CCT7: variants seen among roughly 807,000 people sequenced by gnomAD.
The protein encoded by CCT7 is chaperonin containing TCP1 subunit 7, also known as T-complex protein 1 subunit eta.
Under a neutral mutation model 56.6 loss-of-function variants are expected in CCT7, and 16 were observed. The observed-to-expected ratio is 0.28, with a 90% CI of 0.19 to 0.43. The LOEUF is 0.43. Among genes scored for constraint, CCT7 ranks in the 20% least tolerant of loss-of-function variants. CCT7 has a pLI of 1.00. For synonymous variants in CCT7, 262 were observed against 254.8 expected, an observed-to-expected ratio of 1.03 and a Z score of -0.27; for missense variants, 519 against 685.6, an observed-to-expected ratio of 0.76 and a Z score of 2.71.
In CCT7 at chr2:73,243,034, C is replaced by A; in HGVS notation, c.298C>A (p.Leu100Met). ...TGATGGCACCACCTCAGTGACCTTGCTGGCTGCAGAGTTTCTGAAGCAGGT... is the reference window on the plus strand; with the variant it reads ...TGATGGCACCACCTCAGTGACCTTGATGGCTGCAGAGTTTCTGAAGCAGGT... ...VGDGTTSVTL[L>M]AAEFLKQVKP... Residue 100 changes from leucine to methionine, a missense_variant, in exon 4 of 12, where the codon CTG becomes ATG. By Grantham distance (15) the Leu-to-Met change is conservative. This residue lies in a region of CCT7 where 276 missense variants were observed against 357.3 expected (regional missense o/e 0.77). Coordinates refer to ENST00000258091, the MANE Select transcript of CCT7 (RefSeq NM_006429.4). The A allele has an allele frequency of 6.2e-7, 1 of 1,614,024 alleles. No individual in the cohort carries two copies. Among genetic ancestry groups the A allele is most frequent in the Non-Finnish European group, 8.5e-7 (1 of 1,179,882 alleles).
At chr2:73,239,369 A>G (rs185844684) in intron 1 of CCT7, 1 of 354,480 alleles carries the variant, frequency 2.8e-6, no homozygotes, top group East Asian at 6.2e-5. Flanking sequence ...TCAGCTGGGT[A>G]CTGGAGAACT....
intron 1 of CCT7, among the ~76,000 whole-genome samples, chr2:73,235,278 C>T (rs977836594): frequency 6.6e-6 from 1 of 152,118 alleles, no homozygotes; most frequent in Non-Finnish European, 1.5e-5. Flanking sequence ...GATGGTATCT[C>T]CTGGGTTGTT....
rs1289137938 is a variant in CCT7, at chr2:73,252,854, C to G, written c.1625C>G (p.Pro542Arg). Residue 542 changes from proline (P) to arginine (R), a missense_variant, in exon 12 of 12, where the codon CCC (proline) becomes CGC (arginine). Physicochemically the swap from Pro to Arg is moderately radical, Grantham distance 103. Coordinates refer to ENST00000258091, the MANE Select transcript of CCT7 (RefSeq NM_006429.4). The part of the protein sequence containing the change: ...AAGRGRGRGR[P>R]H The stretch of plus-strand genomic sequence containing the variant: ...GGCCGGGGCCGTGGTCGTGGCCGCC[C>G]CCACTGAGAGGCACCCCACCCATCA... 2 of 1,612,614 alleles carry G rather than the reference C, an allele frequency of 1.2e-6. No individual in the cohort carries two copies. The highest frequency in any genetic ancestry group is 1.7e-5 in the Admixed American group (1 of 59,936).
At chr2:73,251,455 G>GT in intron 11 of CCT7, 23 bp downstream of exon 11, 56 of 556,504 alleles carry the variant, frequency 1.0e-4, no homozygotes, top group Middle Eastern at 5.8e-4. Flanking sequence ...TCTCCCCAGG[G>GT]TTCAGGGTTT....
rs564582922 is a variant in CCT7, at chr2:73,239,298, T to C, written c.7-345T>C. 1.2e-3 allele frequency: 226 copies of C among 186,306 alleles called. 2 individuals carry two copies. Among genetic ancestry groups the C allele is most frequent in the Middle Eastern group, 8.5e-3 (4 of 470 alleles). 11.5% of individuals were successfully genotyped at this position (186,306 alleles called of 1,614,324 possible). On this transcript the variant is annotated intron_variant, in intron 1 of 11. Transcript: ENST00000258091. Reference sequence around the variant, plus strand: ...TAGCAGGGTCTGCCTCTTCCTCCTGTGTTGTGACCCAATTCCTCAGCACAG... The same window carrying C: ...TAGCAGGGTCTGCCTCTTCCTCCTGCGTTGTGACCCAATTCCTCAGCACAG...
intron 6 of CCT7, 52 bp downstream of exon 6, chr2:73,244,767 C>G (rs1460572910): frequency 1.4e-6 from 2 of 1,433,548 alleles, no homozygotes; most frequent in Non-Finnish European, 9.6e-7. Context: ...ATTGACCCTT[C>G]AGACAGCTTC....
chr2:73,248,459 C>T (rs945730435), intron 7 of CCT7, among the ~76,000 whole-genome samples: 9 of 151,962 alleles, frequency 5.9e-5, no homozygotes, highest in African/African-American at 1.9e-4. Context: ...CAAGTGATTC[C>T]CCTGCCTTAG....
At chr2:73,244,775 T>G in intron 6 of CCT7, 60 bp downstream of exon 6, 2 of 1,363,390 alleles carry the variant, frequency 1.5e-6, no homozygotes. Context: ...TTCAGACAGC[T>G]TCATATGGCA....
At chr2:73,246,928 A>G (rs997351440) in intron 6 of CCT7, among the ~76,000 whole-genome samples, 3 of 152,244 alleles carry the variant, frequency 2.0e-5, no homozygotes, top group African/African-American at 7.2e-5. Context: ...GAGCACTGGC[A>G]GAGAAACTAA....
Position 73,247,760 on chromosome 2 carries a change from A to C in CCT7, c.619-2A>C. Reference sequence around the variant, plus strand: ...ATTAAAGTGTTTGTTTTTTTAAAACAGGATTCTCAGCTGGTAGCTGGTGTT... The same window carrying C: ...ATTAAAGTGTTTGTTTTTTTAAAACCGGATTCTCAGCTGGTAGCTGGTGTT... On this transcript the variant is annotated splice_acceptor_variant, in intron 6 of 11. Transcript: ENST00000258091. LOFTEE classifies it high-confidence loss of function. 1 of 1,612,922 alleles carries C rather than the reference A, an allele frequency of 6.2e-7. No individual in the cohort carries two copies. Among genetic ancestry groups the C allele is most frequent in the Non-Finnish European group, 8.5e-7 (1 of 1,179,186 alleles).
At chr2:73,234,531 A>T in intron 1 of CCT7, 147 bp downstream of exon 1, 1 of 985,748 alleles carries the variant, frequency 1.0e-6, no homozygotes, top group Non-Finnish European at 1.5e-6. Flanking sequence ...GACCCCAGCC[A>T]GCCGCGGCCT....
chr2:73,250,541 C>A, intron 10 of CCT7, 103 bp downstream of exon 10: 1 of 1,353,496 alleles, frequency 7.4e-7, no homozygotes, highest in Non-Finnish European at 1.0e-6. Flanking sequence ...ATATAACCTG[C>A]CCTTTCCTGG....
At chr2:73,239,552 TA>T in intron 1 of CCT7, 90 bp from the exon 2 acceptor site, 1 of 1,187,374 alleles carries the variant, frequency 8.4e-7, no homozygotes, top group Admixed American at 2.2e-5. Flanking sequence ...ATAATTCTGT[TA>T]AGGGAGAGAT....
rs547764691 is a variant in CCT7, at chr2:73,245,378, A to G, written c.618+663A>G. 5.3e-5 allele frequency among the ~76,000 whole-genome samples: 8 copies of G among 152,354 alleles called. No individual in the cohort carries two copies. The East Asian group carries it at 5.8e-4, about 11-fold the overall frequency. On this transcript the variant is annotated intron_variant, in intron 6 of 11. Transcript: ENST00000258091. ...AGCTCTTAACTCAGCACCCTCCAGT[A>G]GAGCTTTCTGTAGGGTGGTGGGACT...
chr2:73,246,369 C>T (rs1687337333), intron 6 of CCT7, among the ~76,000 whole-genome samples: 1 of 152,228 alleles, frequency 6.6e-6, no homozygotes, highest in Non-Finnish European at 1.5e-5. Context: ...CTGGGATCAT[C>T]CTTGAAAACC....
chr2:73,235,451 T>G (rs1029561156), intron 1 of CCT7: 2 of 567,908 alleles, frequency 3.5e-6, no homozygotes, highest in African/African-American at 4.1e-5. Context: ...CGCAGACACC[T>G]TTTAGGTGTT....
intron 8 of CCT7, among the ~76,000 whole-genome samples, chr2:73,249,416 G>A (rs184080644): frequency 6.6e-6 from 1 of 152,258 alleles, no homozygotes; most frequent in Non-Finnish European, 1.5e-5. Context: ...GAACCTAGCA[G>A]TAATGCTATG....
At chr2:73,244,121 T>G in intron 5 of CCT7, 72 bp downstream of exon 5, 1 of 1,433,052 alleles carries the variant, frequency 7.0e-7, no homozygotes, top group Non-Finnish European at 9.5e-7. Context: ...AGGCTAGTCT[T>G]GAACTACTGG....
Position 73,247,783 on chromosome 2 carries a change from G to T in CCT7, c.640G>T (p.Val214Phe). The T allele has an allele frequency of 1.9e-6, 3 of 1,613,994 alleles. No individual in the cohort carries two copies. The highest frequency in any genetic ancestry group is 2.5e-6 in the Non-Finnish European group (3 of 1,179,874). ...ALEDSQLVAG[V>F]AFKKTFSYAG... ...ACAGGATTCTCAGCTGGTAGCTGGT[G>T]TTGCATTCAAGAAGACTTTCTCTTA... Residue 214 changes from valine (V) to phenylalanine (F), a missense_variant, in exon 7 of 12, where the codon GTT (valine) becomes TTT (phenylalanine). Coordinates refer to ENST00000258091, the MANE Select transcript of CCT7 (RefSeq NM_006429.4).
Sources: gnomAD v4.1 joint callset for allele counts (sites outside exome capture counted in the v4.1 genomes callset) on GRCh38, gnomAD v4.1.1 for gene constraint, gnomAD v4.1.1 regional missense constraint, MANE v1.5 for transcripts, NCBI Gene and HGNC (gene_info 2026-07-23, HGNC 2026-07-21) for gene names.